The following LCOR variants were observed in gnomAD, a reference collection of about 807,000 sequenced individuals.
The protein encoded by LCOR is ligand-dependent corepressor.
A neutral mutation model predicts 64.4 loss-of-function variants in LCOR; 14 were observed. The ratio of observed to expected loss-of-function variants is 0.22; its 90% CI spans 0.14 to 0.34. The LOEUF (loss-of-function observed/expected upper bound fraction) is 0.34. Ranked by LOEUF, LCOR falls within the 10% of genes least tolerant of loss-of-function variation. The pLI, the probability that LCOR is intolerant of heterozygous loss-of-function variation, is 1.00. For synonymous variants in LCOR, 643 were observed against 642.5 expected, an observed-to-expected ratio of 1.00 and a Z score of -0.01; for missense variants, 1,686 against 1,765.3, an observed-to-expected ratio of 0.96 and a Z score of 0.80.
chr10:96,858,418 T>C (rs1845837903), intron 2 of LCOR, among the ~76,000 whole-genome samples: 1 of 152,174 alleles, frequency 6.6e-6, no homozygotes, highest in Non-Finnish European at 1.5e-5. Context: ...CTTTAGATTG[T>C]GAGTATAAAA....
chr10:96,918,050 T>C (rs192182652), intron 4 of LCOR, among the ~76,000 whole-genome samples: 2 of 152,244 alleles, frequency 1.3e-5, no homozygotes, highest in East Asian at 3.9e-4. Flanking sequence ...GGTGAAGATA[T>C]ATTGGAGAGG....
intron 2 of LCOR, among the ~76,000 whole-genome samples, chr10:96,867,154 G>A (rs1016207221): frequency 2.0e-5 from 3 of 151,930 alleles, no homozygotes; most frequent in African/African-American, 7.3e-5. Flanking sequence ...GCCTCCCAAA[G>A]TGCTGGGATT....
intron 2 of LCOR, among the ~76,000 whole-genome samples, chr10:96,847,088 C>A (rs1474914724): frequency 2.6e-5 from 4 of 151,938 alleles, no homozygotes; most frequent in African/African-American, 7.3e-5. Flanking sequence ...ACAAAAAATA[C>A]AAAAATTAGT....
intron 4 of LCOR, among the ~76,000 whole-genome samples, chr10:96,916,587 C>CTATATGTATA (rs1554836850): frequency 7.2e-6 from 1 of 138,252 alleles, no homozygotes; most frequent in Admixed American, 7.4e-5. Context: ...TATTTAAAGG[C>CTATATGTATA]TATATATATA....
chr10:96,888,813 T>G (rs1448289021), intron 2 of LCOR, among the ~76,000 whole-genome samples: 3 of 152,194 alleles, frequency 2.0e-5, no homozygotes, highest in African/African-American at 4.8e-5. Context: ...CTGTGCTGTC[T>G]TTTCTAATTG....
intron 7 of LCOR, chr10:96,954,804 C>CT: frequency 1.9e-6 from 1 of 525,436 alleles, no homozygotes; most frequent in Non-Finnish European, 3.1e-6. Context: ...CTGCTGAGAC[C>CT]ATTTTTTTTT....
At chr10:96,915,677 T>G (rs371217490) in intron 4 of LCOR, 2 of 783,868 alleles carry the variant, frequency 2.6e-6, no homozygotes, top group Non-Finnish European at 2.2e-6. Flanking sequence ...TGGTCTGATT[T>G]GGCATTTCCC....
chr10:96,881,198 C>T (rs1846257411), intron 2 of LCOR, among the ~76,000 whole-genome samples: 1 of 152,164 alleles, frequency 6.6e-6, no homozygotes, highest in South Asian at 2.1e-4. Flanking sequence ...ATTTGAATCC[C>T]AGCCTCTCTC....
chr10:96,898,724 T>G (rs1301396412), intron 2 of LCOR, among the ~76,000 whole-genome samples: 2 of 152,236 alleles, frequency 1.3e-5, no homozygotes, highest in Non-Finnish European at 2.9e-5. Context: ...TTGTTTTGTT[T>G]TGTTTTACAC....
chr10:96,894,609 A>T (rs1340057087), intron 2 of LCOR, among the ~76,000 whole-genome samples: 2 of 152,226 alleles, frequency 1.3e-5, no homozygotes, highest in Non-Finnish European at 2.9e-5. Flanking sequence ...TTGTATATAA[A>T]TCTGAAAGCT....
chr10:96,893,367 A>G (rs2134435487), intron 2 of LCOR, among the ~76,000 whole-genome samples: 1 of 152,312 alleles, frequency 6.6e-6, no homozygotes, highest in African/African-American at 2.4e-5. Flanking sequence ...ATAATATAAT[A>G]TCTCTAATAT....
intron 4 of LCOR, among the ~76,000 whole-genome samples, chr10:96,934,390 A>T (rs188584467): frequency 3.3e-5 from 5 of 152,288 alleles, no homozygotes; most frequent in African/African-American, 7.2e-5. Flanking sequence ...GAGAGTTTTT[A>T]AAAAGCTTAA....
At chr10:96,930,352 C>G (rs996168435) in intron 4 of LCOR, among the ~76,000 whole-genome samples, 1 of 152,116 alleles carries the variant, frequency 6.6e-6, no homozygotes, top group African/African-American at 2.4e-5. Context: ...TTTTGCTAAT[C>G]TAGGTCTTTG....
At chr10:96,860,445 C>T (rs1845869545) in intron 2 of LCOR, among the ~76,000 whole-genome samples, 1 of 152,166 alleles carries the variant, frequency 6.6e-6, no homozygotes, top group African/African-American at 2.4e-5. Flanking sequence ...TGCTGGCAAC[C>T]ACCGGAAGCT....
intron 1 of LCOR, chr10:96,832,863 T>TCCTGCGCCACCCCTCCC (rs1845367918): frequency 9.1e-6 from 4 of 437,192 alleles, no homozygotes; most frequent in Admixed American, 6.5e-5. Flanking sequence ...GCCGTCCTCC[T>TCCTGCGCCACCCCTCCC]CCTGCGCCAC....
rs1848159185 is a variant in LCOR at position 96,987,655 on chromosome 10, C to G, written c.*2521C>G. Reference sequence around the variant, plus strand: ...AGACCAAGAGTCTACATAATTATGACACTTAAAAGTTTAGAATTTTTTATA... The same window carrying G: ...AGACCAAGAGTCTACATAATTATGAGACTTAAAAGTTTAGAATTTTTTATA... On this transcript the variant is annotated 3_prime_UTR_variant, in exon 8 of 8. Coordinates refer to ENST00000421806, the MANE Select transcript of LCOR (RefSeq NM_001346516.2). 1 of 152,154 alleles carries G rather than the reference C, an allele frequency of 6.6e-6. No individual in the cohort carries two copies. The highest frequency in any genetic ancestry group is 1.5e-5 in the Non-Finnish European group (1 of 68,028). 9.4% of individuals were successfully genotyped at this position (152,154 alleles called of 1,614,324 possible). A position where few individuals can be genotyped will look rare whatever the true frequency, so the allele number is the denominator to read the frequency against.
At position 96,991,816 on chromosome 10, in the gene LCOR, G is replaced by C. The variant is rs1037822876; in HGVS notation, c.*6682G>C. Reference sequence around the variant, plus strand: ...TTGGCACCTTGCCCTCCCTCCTCCTGCCTCTGCTTATGCCGCCAGCCCCCT... The same window carrying C: ...TTGGCACCTTGCCCTCCCTCCTCCTCCCTCTGCTTATGCCGCCAGCCCCCT... On this transcript the variant is annotated 3_prime_UTR_variant, in exon 8 of 8. Coordinates refer to ENST00000421806, the MANE Select transcript of LCOR (RefSeq NM_001346516.2). The C allele has an allele frequency of 1.3e-5, 2 of 152,212 alleles. No homozygotes were observed. Among genetic ancestry groups the C allele is most frequent in the Non-Finnish European group, 2.9e-5 (2 of 68,080 alleles). The allele number at this position is 152,212 out of a possible 1,614,324, so 9.4% of individuals were successfully genotyped here.
At chr10:96,900,960 C>T (rs908205455) in intron 2 of LCOR, among the ~76,000 whole-genome samples, 6 of 150,454 alleles carry the variant, frequency 4.0e-5, no homozygotes, top group South Asian at 4.2e-4. Context: ...GAGGCCAAGG[C>T]GGGCGGATCA....
intron 7 of LCOR, among the ~76,000 whole-genome samples, chr10:96,969,358 T>G (rs1459370932): frequency 1.3e-5 from 2 of 152,200 alleles, no homozygotes; most frequent in Non-Finnish European, 2.9e-5. Context: ...ATGGTACTGT[T>G]TTAGGGGAAT....
Sources: gnomAD v4.1 joint callset for allele counts (sites outside exome capture counted in the v4.1 genomes callset) on GRCh38, gnomAD v4.1.1 for gene constraint, MANE v1.5 for transcripts, NCBI Gene and HGNC (gene_info 2026-07-23, HGNC 2026-07-21) for gene names.